Variants in NRG1 observed in about 807,000 individuals in gnomAD.
NRG1 encodes the protein neuregulin 1, also known as pro-neuregulin-1, membrane-bound isoform.
NRG1 carries 18 observed loss-of-function variants against 63.8 expected under a neutral mutation model. The ratio of observed to expected loss-of-function variants is 0.28; its 90% CI spans 0.19 to 0.42. The LOEUF (loss-of-function observed/expected upper bound fraction) is 0.42. NRG1 is among the 10% of genes least tolerant of loss of function. The probability of loss-of-function intolerance (pLI) is 1.00; values close to 1 mark genes in which losing one functional copy is unlikely to be tolerated. For missense variants in NRG1, 762 were observed against 814.7 expected (o/e 0.94, Z 0.79); for synonymous variants, 302 against 301.3 (o/e 1.00, Z -0.02).
intron 1 of NRG1, among the ~76,000 whole-genome samples, chr8:32,532,269 T>C (rs981260318): frequency 8.5e-5 from 13 of 152,216 alleles, no homozygotes; most frequent in African/African-American, 3.1e-4. Flanking sequence ...CTTATATCCA[T>C]TTACTTATAA....
intron 5 of NRG1, among the ~76,000 whole-genome samples, chr8:32,701,399 A>T (rs1423990566): frequency 6.6e-6 from 1 of 152,180 alleles, no homozygotes; most frequent in Non-Finnish European, 1.5e-5. Flanking sequence ...ACTTGCCAGT[A>T]AATGCCCAGT....
intron 1 of NRG1, among the ~76,000 whole-genome samples, chr8:31,669,178 C>G (rs1408880880): frequency 1.3e-5 from 2 of 152,024 alleles, no homozygotes; most frequent in Non-Finnish European, 2.9e-5. Flanking sequence ...ACCTCAGCCT[C>G]CCTAGTAGAT....
chr8:32,442,940 T>C (rs1819737602), intron 1 of NRG1, among the ~76,000 whole-genome samples: 1 of 152,004 alleles, frequency 6.6e-6, no homozygotes, highest in Admixed American at 6.6e-5. Context: ...TGTCTTTTTT[T>C]TTTTTCTGAG....
intron 1 of NRG1, among the ~76,000 whole-genome samples, chr8:32,330,668 C>T (rs1343406720): frequency 6.6e-6 from 1 of 152,140 alleles, no homozygotes; most frequent in Non-Finnish European, 1.5e-5. Context: ...GGTAAGAGGA[C>T]TCTTCAGTTG....
chr8:31,903,192 AGG>A, intron 1 of NRG1, among the ~76,000 whole-genome samples: 1 of 126,420 alleles, frequency 7.9e-6, no homozygotes, highest in Non-Finnish European at 1.6e-5. Flanking sequence ...TCTGTTGCCC[AGG>A]CTGAAGTGCA....
At chr8:32,525,448 C>T (rs977153119) in intron 1 of NRG1, among the ~76,000 whole-genome samples, 2 of 148,334 alleles carry the variant, frequency 1.3e-5, no homozygotes, top group African/African-American at 2.5e-5. Flanking sequence ...AGTCTACTTG[C>T]CTGCTTTCTG....
intron 1 of NRG1, among the ~76,000 whole-genome samples, chr8:32,140,007 C>A (rs1836034206): frequency 6.6e-6 from 1 of 152,124 alleles, no homozygotes; most frequent in Non-Finnish European, 1.5e-5. Context: ...GCCACAGATG[C>A]AGTGGAATAG....
chr8:31,997,252 A>C (rs2129633552), intron 1 of NRG1, among the ~76,000 whole-genome samples: 1 of 144,000 alleles, frequency 6.9e-6, no homozygotes, highest in South Asian at 2.2e-4. Context: ...CTTCCAGTTC[A>C]CTTTTCAAAG....
chr8:32,588,917 A>G (rs1422445496), intron 1 of NRG1, among the ~76,000 whole-genome samples: 1 of 152,210 alleles, frequency 6.6e-6, no homozygotes, highest in Non-Finnish European at 1.5e-5. Flanking sequence ...AACCCTATTT[A>G]ACTTGAATCA....
chr8:32,609,888 C>T (rs1193263222), intron 3 of NRG1, among the ~76,000 whole-genome samples: 4 of 151,594 alleles, frequency 2.6e-5, no homozygotes, highest in Non-Finnish European at 5.9e-5. Context: ...CCATGCTGGT[C>T]TCTAACTCCT....
intron 1 of NRG1, among the ~76,000 whole-genome samples, chr8:32,114,994 T>C (rs751573327): frequency 6.6e-6 from 1 of 151,920 alleles, no homozygotes; most frequent in Non-Finnish European, 1.5e-5. Flanking sequence ...AATGCAGGCA[T>C]TGGGGTGACA....
At chr8:32,228,503 AT>A (rs1320764050) in intron 1 of NRG1, among the ~76,000 whole-genome samples, 4 of 152,086 alleles carry the variant, frequency 2.6e-5, no homozygotes, top group African/African-American at 9.7e-5. Context: ...CCCACTTGTG[AT>A]ATGATTCTAC....
At chr8:31,704,810 C>T (rs1318515002) in intron 1 of NRG1, among the ~76,000 whole-genome samples, 10 of 132,846 alleles carry the variant, frequency 7.5e-5, no homozygotes, top group Non-Finnish European at 1.2e-4. Context: ...CCAGCCTGGG[C>T]GACAGAGTGA....
chr8:31,664,657 C>T (rs866693370), intron 1 of NRG1, among the ~76,000 whole-genome samples: 2 of 152,126 alleles, frequency 1.3e-5, no homozygotes, highest in Non-Finnish European at 2.9e-5. Context: ...ATTCTGTGCA[C>T]CAAGGGGCAA....
At chr8:32,296,328 G>A (rs913504167) in intron 1 of NRG1, among the ~76,000 whole-genome samples, 6 of 152,124 alleles carry the variant, frequency 3.9e-5, no homozygotes, top group African/African-American at 1.4e-4. Flanking sequence ...GGTGGCTCAC[G>A]CCTGTAACCC....
chr8:32,644,043 C>T (rs1171472274), intron 5 of NRG1, among the ~76,000 whole-genome samples: 2 of 151,730 alleles, frequency 1.3e-5, no homozygotes, highest in Admixed American at 6.6e-5. Context: ...GTGTCCATGG[C>T]AAAATTACCT....
chr8:31,692,948 T>C (rs1809677707), intron 1 of NRG1, among the ~76,000 whole-genome samples: 1 of 152,226 alleles, frequency 6.6e-6, no homozygotes, highest in Admixed American at 6.5e-5. Flanking sequence ...AGATACAACC[T>C]GGGTTGGACG....
chr8:31,676,120 A>G (rs1807669711), intron 1 of NRG1, among the ~76,000 whole-genome samples: 1 of 152,100 alleles, frequency 6.6e-6, no homozygotes, highest in Non-Finnish European at 1.5e-5. Flanking sequence ...ATTTCCTGTG[A>G]AAGGAATTCC....
At position 32,561,285 on chromosome 8, in the gene NRG1, G is replaced by A. The variant is rs1387449482; in HGVS notation, c.100+12459G>A. On this transcript the variant is annotated intron_variant, in intron 1 of 11. Coordinates refer to ENST00000356819, the Ensembl canonical transcript of NRG1. ...GAGAGATGTATTTCTGTGCCATTGA[G>A]GAATAGCTTAGAGTACCTATGATTC... Among the ~76,000 whole-genome samples the A allele has an allele frequency of 4.6e-5, 7 of 152,172 alleles. No homozygotes were observed. The South Asian group carries it at 8.3e-4, about 18-fold the overall frequency.
Sources: gnomAD v4.1 joint callset for allele counts (sites outside exome capture counted in the v4.1 genomes callset) on GRCh38, gnomAD v4.1.1 for gene constraint, MANE v1.5 for transcripts, NCBI Gene and HGNC (gene_info 2026-07-23, HGNC 2026-07-21) for gene names.